GALNTL6: variants seen among roughly 807,000 people sequenced by gnomAD.
GALNTL6 encodes the protein polypeptide N-acetylgalactosaminyltransferase like 6, also known as polypeptide N-acetylgalactosaminyltransferase-like 6.
In GALNTL6, 46 loss-of-function variants were observed where a neutral mutation model predicts 73.7. The ratio of observed to expected loss-of-function variants is 0.62; its 90% CI spans 0.49 to 0.80. The LOEUF is 0.80. Among genes scored for constraint, GALNTL6 ranks in the 30% least tolerant of loss-of-function variants. GALNTL6 has a pLI of 0.00. For missense variants in GALNTL6, 604 were observed against 755.0 expected (o/e 0.80, Z 2.34); for synonymous variants, 259 against 263.7 (o/e 0.98, Z 0.17).
chr4:172,233,932 A>G (rs556691643), intron 3 of GALNTL6, among the ~76,000 whole-genome samples: 2 of 151,960 alleles, frequency 1.3e-5, no homozygotes, highest in Non-Finnish European at 2.9e-5. Flanking sequence ...CTACTTATTT[A>G]TTATATTTAA....
chr4:172,129,006 T>C (rs1306403971), intron 2 of GALNTL6, among the ~76,000 whole-genome samples: 1 of 152,240 alleles, frequency 6.6e-6, no homozygotes, highest in Non-Finnish European at 1.5e-5. Flanking sequence ...CTTTGATTAA[T>C]TGTTTCATCA....
chr4:172,339,149 A>G (rs1276296208), intron 4 of GALNTL6, among the ~76,000 whole-genome samples: 1 of 151,956 alleles, frequency 6.6e-6, no homozygotes, highest in South Asian at 2.1e-4. Flanking sequence ...CCAGGTGAGC[A>G]TGTTCTCTGA....
At chr4:172,101,952 C>T (rs939651124) in intron 2 of GALNTL6, among the ~76,000 whole-genome samples, 3 of 151,660 alleles carry the variant, frequency 2.0e-5, no homozygotes, top group African/African-American at 4.8e-5. Context: ...TGAACAAATC[C>T]TAGTCTTGAG....
chr4:172,385,509 T>A (rs1743433552), intron 5 of GALNTL6, among the ~76,000 whole-genome samples: 1 of 152,128 alleles, frequency 6.6e-6, no homozygotes, highest in South Asian at 2.1e-4. Context: ...TAATTGACCC[T>A]TTTTTCATTA....
At chr4:172,247,381 C>T (rs1737698735) in intron 3 of GALNTL6, among the ~76,000 whole-genome samples, 1 of 152,104 alleles carries the variant, frequency 6.6e-6, no homozygotes, top group South Asian at 2.1e-4. Context: ...GGGAGAATGC[C>T]TCTCTCCTCT....
intron 2 of GALNTL6, among the ~76,000 whole-genome samples, chr4:172,107,205 A>G (rs1246012316): frequency 6.6e-6 from 1 of 152,134 alleles, no homozygotes. Flanking sequence ...AACTATATGG[A>G]TTATGGCTTC....
chr4:171,967,837 A>AT (rs932670012), intron 2 of GALNTL6, among the ~76,000 whole-genome samples: 12 of 151,990 alleles, frequency 7.9e-5, no homozygotes, highest in African/African-American at 2.7e-4. Flanking sequence ...TGCTTTCCCT[A>AT]TTTTTTTCCC....
chr4:172,572,368 G>A (rs1736794261), intron 5 of GALNTL6, among the ~76,000 whole-genome samples: 1 of 152,150 alleles, frequency 6.6e-6, no homozygotes. Flanking sequence ...AATGAGAAAA[G>A]AGCTATTACT....
chr4:171,995,662 T>C (rs969827025), intron 2 of GALNTL6, among the ~76,000 whole-genome samples: 5 of 152,048 alleles, frequency 3.3e-5, no homozygotes, highest in African/African-American at 9.6e-5. Context: ...AGCAGTTTCC[T>C]TTGGCAGATG....
Position 172,940,511 on chromosome 4 carries a change from C to T in GALNTL6, c.1149+9243C>T, listed in dbSNP as rs535179484. Among the ~76,000 whole-genome samples the T allele has an allele frequency of 1.4e-4, 21 of 151,826 alleles. 1 individual carries two copies. The South Asian group carries it at 3.3e-3, about 24-fold the overall frequency. On this transcript the variant is annotated intron_variant, in intron 9 of 12. Coordinates refer to ENST00000506823, the MANE Select transcript of GALNTL6 (RefSeq NM_001034845.3). ...CCAAGTAGCTGGGACTACAGGTGCA[C>T]GCCACCATGCCCAGCTAATTTTTGT...
intron 2 of GALNTL6, among the ~76,000 whole-genome samples, chr4:172,054,615 A>G (rs1048121964): frequency 9.9e-5 from 15 of 152,166 alleles, no homozygotes; most frequent in African/African-American, 3.6e-4. Context: ...TCTTGTTCAC[A>G]AGAACTCCAC....
chr4:171,992,791 G>T (rs1740377773), intron 2 of GALNTL6, among the ~76,000 whole-genome samples: 1 of 151,972 alleles, frequency 6.6e-6, no homozygotes, highest in Admixed American at 6.6e-5. Context: ...GAAATTAATT[G>T]ACCTCATTAT....
intron 5 of GALNTL6, among the ~76,000 whole-genome samples, chr4:172,595,283 T>C (rs1306821128): frequency 6.6e-6 from 1 of 152,190 alleles, no homozygotes; most frequent in Non-Finnish European, 1.5e-5. Context: ...TAAAACATCA[T>C]AGAATAGTGT....
chr4:172,960,923 G>A (rs1383158182), intron 10 of GALNTL6, among the ~76,000 whole-genome samples: 4 of 151,906 alleles, frequency 2.6e-5, no homozygotes, highest in Non-Finnish European at 5.9e-5. Flanking sequence ...AAAAGAGAGA[G>A]TAGAGACTTG....
At chr4:172,904,493 C>T (rs1746783557) in intron 8 of GALNTL6, among the ~76,000 whole-genome samples, 1 of 152,140 alleles carries the variant, frequency 6.6e-6, no homozygotes, top group South Asian at 2.1e-4. Flanking sequence ...TGGTTCTTGT[C>T]CTCACCTAGG....
intron 2 of GALNTL6, among the ~76,000 whole-genome samples, chr4:172,005,026 G>A (rs1238744092): frequency 3.3e-5 from 5 of 152,074 alleles, no homozygotes; most frequent in South Asian, 2.1e-4. Context: ...GCCTTGTTAC[G>A]TGATATGCCA....
At chr4:172,908,008 A>G (rs1561026770) in intron 8 of GALNTL6, among the ~76,000 whole-genome samples, 1 of 152,222 alleles carries the variant, frequency 6.6e-6, no homozygotes, top group Non-Finnish European at 1.5e-5. Flanking sequence ...GAACACAAGT[A>G]CTGCAGCAAT....
At chr4:172,421,842 C>G (rs1029918667) in intron 5 of GALNTL6, among the ~76,000 whole-genome samples, 2 of 151,930 alleles carry the variant, frequency 1.3e-5, no homozygotes, top group Non-Finnish European at 2.9e-5. Context: ...CCCAGACATG[C>G]ATAAAATAGT....
At chr4:172,534,381 G>C (rs975818913) in intron 5 of GALNTL6, among the ~76,000 whole-genome samples, 1 of 152,076 alleles carries the variant, frequency 6.6e-6, no homozygotes, top group African/African-American at 2.4e-5. Context: ...AATATGTGTG[G>C]GCACTGTCAG....
Sources: gnomAD v4.1 joint callset for allele counts (sites outside exome capture counted in the v4.1 genomes callset) on GRCh38, gnomAD v4.1.1 for gene constraint, MANE v1.5 for transcripts, NCBI Gene and HGNC (gene_info 2026-07-23, HGNC 2026-07-21) for gene names.